MAP3K1: variants seen among roughly 807,000 people sequenced by gnomAD.
MAP3K1 encodes the protein mitogen-activated protein kinase kinase kinase 1, also known as MAP/ERK kinase kinase 1.
A neutral mutation model predicts 144.2 loss-of-function variants in MAP3K1; 36 were observed. The ratio of observed to expected loss-of-function variants is 0.25; its 90% CI spans 0.19 to 0.33. The LOEUF is 0.33. Ranked by LOEUF, MAP3K1 falls within the 10% of genes least tolerant of loss-of-function variation. The probability of loss-of-function intolerance (pLI) is 1.00; values close to 1 mark genes in which losing one functional copy is unlikely to be tolerated. For missense variants in MAP3K1, 1,650 were observed against 1,881.9 expected (o/e 0.88, Z 2.28); for synonymous variants, 718 against 688.7 (o/e 1.04, Z -0.67).
chr5:56,829,159 A>G (rs1300525590), intron 1 of MAP3K1, among the ~76,000 whole-genome samples: 38 of 150,338 alleles, frequency 2.5e-4, no homozygotes, highest in Admixed American at 2.5e-3. Flanking sequence ...CACCTTGCCT[A>G]TTGCTGTTTT....
chr5:56,822,643 G>A (rs545019653), intron 1 of MAP3K1, among the ~76,000 whole-genome samples: 22 of 152,068 alleles, frequency 1.4e-4, no homozygotes, highest in Middle Eastern at 3.4e-3. Flanking sequence ...CTGTCTTGTC[G>A]ATCCCCACCC....
chr5:56,832,602 C>A (rs1746526519), intron 1 of MAP3K1, among the ~76,000 whole-genome samples: 1 of 152,158 alleles, frequency 6.6e-6, no homozygotes, highest in African/African-American at 2.4e-5. Flanking sequence ...TGAAACTGAA[C>A]CTTAGCAGTT....
At chr5:56,853,801 A>AG (rs1001993294) in intron 1 of MAP3K1, among the ~76,000 whole-genome samples, 8 of 152,168 alleles carry the variant, frequency 5.3e-5, no homozygotes, top group African/African-American at 1.7e-4. Flanking sequence ...GCAGTGAAGA[A>AG]GGGGGGTTGC....
chr5:56,867,491 A>G (rs1379920015), intron 6 of MAP3K1, among the ~76,000 whole-genome samples: 2 of 152,224 alleles, frequency 1.3e-5, no homozygotes, highest in Non-Finnish European at 2.9e-5. Context: ...TGAAGGGCAT[A>G]AAGAGAATAT....
At chr5:56,886,762 C>T (rs832550) in intron 17 of MAP3K1, among the ~76,000 whole-genome samples, 117,594 of 151,976 alleles carry the variant, frequency 0.77, 45,847 homozygotes, top group Non-Finnish European at 0.82. Flanking sequence ...CCATTATTTT[C>T]CTTATCCTTT....
At chr5:56,818,656 T>G (rs1561158852) in intron 1 of MAP3K1, among the ~76,000 whole-genome samples, 1 of 152,156 alleles carries the variant, frequency 6.6e-6, no homozygotes, top group Non-Finnish European at 1.5e-5. Flanking sequence ...AGGGGCTTTT[T>G]CTTCCTATTT....
chr5:56,875,650 C>A (rs1217576377), intron 10 of MAP3K1, among the ~76,000 whole-genome samples: 1 of 152,046 alleles, frequency 6.6e-6, no homozygotes, highest in Non-Finnish European at 1.5e-5. Context: ...TTCCACTTAC[C>A]ACTAGAGACA....
chr5:56,884,811 A>G lies in MAP3K1; in HGVS notation c.3967A>G (p.Ile1323Val), dbSNP rs767994462. ...TGAGAAGAGCAATTACAATCTCTTC[A>G]TTGAATGGATGGCAGGTATGTTAAT... ...TCEKSNYNLF[I>V]EWMAGGSVAH... The change falls in exon 16 of 20, where the codon ATT becomes GTT. Residue 1323 changes from isoleucine (I) to valine (V), a missense_variant. Physicochemically the swap from Ile to Val is conservative, Grantham distance 29 (BLOSUM62 3). Transcript: ENST00000399503. The G allele has an allele frequency of 1.9e-6, 3 of 1,613,636 alleles. No homozygotes were observed. The highest frequency in any genetic ancestry group is 1.1e-5 in the South Asian group (1 of 91,064).
intron 1 of MAP3K1, among the ~76,000 whole-genome samples, chr5:56,830,840 A>G (rs973381874): frequency 6.6e-6 from 1 of 151,714 alleles, no homozygotes; most frequent in Non-Finnish European, 1.5e-5. Flanking sequence ...AAAATCTGTC[A>G]CAAAATTTTG....
At position 56,893,639 on chromosome 5, in the gene MAP3K1, A is replaced by G. The variant is rs1250413878; in HGVS notation, c.4498A>G (p.Arg1500Gly). ...ELQPQDRPPS[R>G]ELLKHPVFRT... ...TCAACCTCAGGACAGACCTCCATCA[A>G]GAGAGCTACTGAAGCATCCAGTCTT... The change falls in exon 20 of 20, where the codon AGA becomes GGA. Residue 1500 changes from arginine (R) to glycine (G), a missense_variant. Physicochemically the swap from Arg to Gly is moderately radical, Grantham distance 125. Transcript: ENST00000399503. 1.2e-6 allele frequency: 2 copies of G among 1,613,884 alleles called. No individual in the cohort carries two copies. The highest frequency in any genetic ancestry group is 1.7e-6 in the Non-Finnish European group (2 of 1,179,894).
intron 1 of MAP3K1, among the ~76,000 whole-genome samples, chr5:56,827,259 A>G (rs1311168612): frequency 6.6e-6 from 1 of 152,150 alleles, no homozygotes; most frequent in Admixed American, 6.5e-5. Flanking sequence ...TATTGCCCCC[A>G]CTGGCCAATC....
At chr5:56,822,444 A>G (rs1746181793) in intron 1 of MAP3K1, among the ~76,000 whole-genome samples, 2 of 152,258 alleles carry the variant, frequency 1.3e-5, no homozygotes, top group South Asian at 4.1e-4. Flanking sequence ...AATTGGAGCC[A>G]TGCTCAAACT....
chr5:56,848,101 G>A (rs201413948), intron 1 of MAP3K1, among the ~76,000 whole-genome samples: 1 of 71,186 alleles, frequency 1.4e-5, no homozygotes, highest in Admixed American at 1.2e-4. Context: ...GTAATTGACT[G>A]CAAAAAAAAA....
chr5:56,820,496 ACC>A, intron 1 of MAP3K1: 2 of 985,212 alleles, frequency 2.0e-6, no homozygotes, highest in Non-Finnish European at 2.4e-6. Flanking sequence ...TGTTTCTGTA[ACC>A]TGGCCTTGTA....
chr5:56,822,336 G>A (rs1455690433), intron 1 of MAP3K1, among the ~76,000 whole-genome samples: 1 of 152,154 alleles, frequency 6.6e-6, no homozygotes, highest in Non-Finnish European at 1.5e-5. Context: ...ATTGCTTGAT[G>A]TTTAATAGCA....
intron 1 of MAP3K1, 119 bp downstream of exon 1, chr5:56,816,174 C>G: frequency 9.6e-7 from 1 of 1,045,352 alleles, no homozygotes; most frequent in Non-Finnish European, 1.2e-6. Context: ...ACGCGCCGCT[C>G]GCCGGGACCT....
At chr5:56,830,370 C>T (rs1365577808) in intron 1 of MAP3K1, among the ~76,000 whole-genome samples, 2 of 152,156 alleles carry the variant, frequency 1.3e-5, no homozygotes, top group African/African-American at 2.4e-5. Context: ...AGTTCCGTCT[C>T]TGTTTCTTGT....
At position 56,859,747 on chromosome 5, in the gene MAP3K1, A is replaced by T; in HGVS notation, c.666A>T (p.Gly222=). 1 of 1,614,040 alleles carries T rather than the reference A, an allele frequency of 6.2e-7. No individual in the cohort carries two copies. Among genetic ancestry groups the T allele is most frequent in the Non-Finnish European group, 8.5e-7 (1 of 1,179,980 alleles). ...AACCAATCCCAGTTAAAGGAGATGG[A>T]TCTGAAATGAATCACTTAGCAGCTG... The part of the protein sequence containing the change: ...VVKPIPVKGD[G]SEMNHLAAES... The change falls in exon 3 of 20, where the codon GGA becomes GGT. Residue 222 remains glycine (G), a synonymous_variant. Coordinates refer to ENST00000399503, the MANE Select transcript of MAP3K1 (RefSeq NM_005921.2).
chr5:56,827,509 C>T (rs1746354994), intron 1 of MAP3K1, among the ~76,000 whole-genome samples: 1 of 152,154 alleles, frequency 6.6e-6, no homozygotes, highest in Non-Finnish European at 1.5e-5. Context: ...CCACTGTGGT[C>T]CTGAATGTGG....
Sources: allele counts gnomAD v4.1 joint callset (sites outside exome capture counted in the v4.1 genomes callset), GRCh38; gene constraint gnomAD v4.1.1; transcripts MANE v1.5; gene names NCBI Gene and HGNC (gene_info 2026-07-23, HGNC 2026-07-21).